VPS41: variants seen among roughly 807,000 people sequenced by gnomAD.
VPS41 encodes the protein VPS41 subunit of HOPS complex.
VPS41 carries 85 observed loss-of-function variants against 130.9 expected under a neutral mutation model. The observed-to-expected ratio is 0.65, with a 90% confidence interval of 0.55 to 0.78. The LOEUF (loss-of-function observed/expected upper bound fraction) is 0.78, where lower values mean the gene tolerates loss of function less well. VPS41 is among the 30% of genes least tolerant of loss of function. The pLI is 0.00. For synonymous variants in VPS41, 335 were observed against 332.9 expected (o/e 1.01, Z -0.07); for missense variants, 874 against 1,018.7 (o/e 0.86, Z 1.93).
intron 5 of VPS41, among the ~76,000 whole-genome samples, chr7:38,823,757 T>C (rs1785218953): frequency 6.6e-6 from 1 of 152,214 alleles, no homozygotes; most frequent in Non-Finnish European, 1.5e-5. Context: ...GATAATATAA[T>C]GTAAAACAGA....
intron 25 of VPS41, among the ~76,000 whole-genome samples, chr7:38,733,961 C>T (rs1003515965): frequency 6.6e-6 from 1 of 152,100 alleles, no homozygotes; most frequent in African/African-American, 2.4e-5. Flanking sequence ...TGGCGCATGC[C>T]TGTAGTTCCA....
At chr7:38,758,736 C>T (rs1562574988) in intron 17 of VPS41, among the ~76,000 whole-genome samples, 1 of 152,178 alleles carries the variant, frequency 6.6e-6, no homozygotes, top group African/African-American at 2.4e-5. Flanking sequence ...TTCAGCCCTA[C>T]CCCCACCCCT....
chr7:38,810,556 TTCC>T (rs1308756943), intron 7 of VPS41, among the ~76,000 whole-genome samples: 12 of 152,306 alleles, frequency 7.9e-5, no homozygotes, highest in African/African-American at 2.9e-4. Flanking sequence ...TTCTACTTAG[TTCC>T]TCTAGTCTCT....
chr7:38,876,323 A>T (rs1229604287), intron 2 of VPS41, among the ~76,000 whole-genome samples: 1 of 152,236 alleles, frequency 6.6e-6, no homozygotes, highest in African/African-American at 2.4e-5. Flanking sequence ...ATGTTCTCAC[A>T]ATGTCTTTCT....
chr7:38,756,306 G>A (rs1372534854), intron 19 of VPS41, among the ~76,000 whole-genome samples: 2 of 151,456 alleles, frequency 1.3e-5, no homozygotes, highest in Non-Finnish European at 2.9e-5. Context: ...ACTCATTAGG[G>A]GGCGTAAATT....
intron 2 of VPS41, among the ~76,000 whole-genome samples, chr7:38,876,590 ATATT>A (rs1210873140): frequency 6.6e-6 from 1 of 152,208 alleles, no homozygotes; most frequent in Non-Finnish European, 1.5e-5. Context: ...TAAAACAAAC[ATATT>A]TATTATAAAA....
chr7:38,727,785 C>G (rs1264109918), intron 27 of VPS41, among the ~76,000 whole-genome samples: 1 of 152,142 alleles, frequency 6.6e-6, no homozygotes, highest in Admixed American at 6.5e-5. Context: ...TTATGCTGAA[C>G]TTATATTTGA....
chr7:38,768,904 A>G (rs578044780), intron 14 of VPS41, among the ~76,000 whole-genome samples: 3 of 152,200 alleles, frequency 2.0e-5, no homozygotes, highest in African/African-American at 7.2e-5. Flanking sequence ...CCCAAAAACT[A>G]CCATCATCCC....
At chr7:38,758,970 G>C (rs1253255552) in intron 17 of VPS41, among the ~76,000 whole-genome samples, 1 of 152,194 alleles carries the variant, frequency 6.6e-6, no homozygotes, top group Non-Finnish European at 1.5e-5. Context: ...CTTGCCCTCT[G>C]CATCTAATCC....
intron 4 of VPS41, among the ~76,000 whole-genome samples, chr7:38,851,003 T>C (rs931784473): frequency 1.3e-5 from 2 of 152,212 alleles, no homozygotes; most frequent in South Asian, 4.1e-4. Flanking sequence ...TAAAAATGTT[T>C]ACAGCATCTG....
chr7:38,843,449 G>A (rs1340005851), intron 4 of VPS41, among the ~76,000 whole-genome samples: 9 of 152,202 alleles, frequency 5.9e-5, no homozygotes, highest in East Asian at 3.9e-4. Flanking sequence ...TTGGGAGGCC[G>A]AGGCAGGTGG....
chr7:38,753,679 C>T (rs1452264839), intron 21 of VPS41, among the ~76,000 whole-genome samples: 1 of 152,188 alleles, frequency 6.6e-6, no homozygotes, highest in Non-Finnish European at 1.5e-5. Context: ...AATCCTGTCT[C>T]CTGGCTTAAG....
intron 21 of VPS41, among the ~76,000 whole-genome samples, chr7:38,753,419 C>G (rs534420017): frequency 3.3e-5 from 5 of 152,118 alleles, no homozygotes; most frequent in African/African-American, 1.2e-4. Context: ...ACTCATGTGC[C>G]AGGCAGAGGT....
chr7:38,770,345 A>C (rs1562579930), intron 14 of VPS41, among the ~76,000 whole-genome samples: 1 of 150,956 alleles, frequency 6.6e-6, no homozygotes, highest in East Asian at 1.9e-4. Flanking sequence ...GCCTCTTCAC[A>C]TATGTTAACT....
intron 10 of VPS41, among the ~76,000 whole-genome samples, chr7:38,789,428 C>CA (rs1261120077): frequency 2.3e-4 from 35 of 152,032 alleles, no homozygotes; most frequent in Non-Finnish European, 2.9e-5. Context: ...CTGTGCTAGA[C>CA]AAGGGGAAAG....
At chr7:38,785,519 T>C (rs1784423220) in intron 10 of VPS41, among the ~76,000 whole-genome samples, 1 of 152,218 alleles carries the variant, frequency 6.6e-6, no homozygotes, top group Non-Finnish European at 1.5e-5. Context: ...ACTAAGCTGA[T>C]AGGATTATCT....
At chr7:38,802,237 T>C (rs1383559453) in intron 7 of VPS41, among the ~76,000 whole-genome samples, 1 of 152,194 alleles carries the variant, frequency 6.6e-6, no homozygotes, top group Non-Finnish European at 1.5e-5. Context: ...TTCTGAAATG[T>C]GTCTGCAGGC....
chr7:38,803,406 A>T (rs1012692903), intron 7 of VPS41, among the ~76,000 whole-genome samples: 5 of 152,222 alleles, frequency 3.3e-5, no homozygotes, highest in African/African-American at 1.2e-4. Context: ...GGCAAGATTC[A>T]GCAGGGGCTT....
intron 23 of VPS41, among the ~76,000 whole-genome samples, chr7:38,743,783 T>C (rs1053587559): frequency 1.3e-5 from 2 of 152,078 alleles, no homozygotes; most frequent in Non-Finnish European, 2.9e-5. Flanking sequence ...CATATAACCA[T>C]CACTACAACC....
Sources: gnomAD v4.1 joint callset for allele counts (sites outside exome capture counted in the v4.1 genomes callset) on GRCh38, gnomAD v4.1.1 for gene constraint, MANE v1.5 for transcripts, NCBI Gene and HGNC (gene_info 2026-07-23, HGNC 2026-07-21) for gene names.